Variants in BAZ2B observed in about 807,000 individuals in gnomAD.
The protein encoded by BAZ2B is bromodomain adjacent to zinc finger domain 2B.
A neutral mutation model predicts 246.0 loss-of-function variants in BAZ2B; 91 were observed. That is an observed-to-expected ratio of 0.37 (90% CI 0.31 to 0.44). BAZ2B has a LOEUF of 0.44. Among genes scored for constraint, BAZ2B ranks in the 20% least tolerant of loss-of-function variants. The pLI is 1.00. For synonymous variants in BAZ2B, 855 were observed against 860.0 expected (o/e 0.99, Z 0.10); for missense variants, 2,332 against 2,533.7 (o/e 0.92, Z 1.71).
chr2:159,432,647 G>A, intron 9 of BAZ2B, 110 bp downstream of exon 9: 1 of 1,395,844 alleles, frequency 7.2e-7, no homozygotes, highest in Non-Finnish European at 9.6e-7. Flanking sequence ...ACAAAGTTGT[G>A]TGAAACATAG....
At chr2:159,703,556 C>T in the BAZ2B span, among the ~76,000 whole-genome samples, 56 of 152,184 alleles carry the variant, frequency 3.7e-4, no homozygotes, top group East Asian at 9.8e-3. Context: ...ACAAAAAAAG[C>T]GCTGAGTTAA....
At chr2:159,654,952 T>C in the BAZ2B span, among the ~76,000 whole-genome samples, 13 of 152,292 alleles carry the variant, frequency 8.5e-5, no homozygotes, top group East Asian at 2.3e-3. Context: ...ATTCTGTAAA[T>C]AGTTTCCTCT....
intron 1 of BAZ2B, among the ~76,000 whole-genome samples, chr2:159,610,663 C>T (rs1340002720): frequency 6.6e-6 from 1 of 152,102 alleles, no homozygotes; most frequent in Non-Finnish European, 1.5e-5. Flanking sequence ...TTATTATTAT[C>T]CCCAATATGC....
chr2:159,459,091 C>G (rs951268850), intron 3 of BAZ2B: 8 of 152,170 alleles, frequency 5.3e-5, no homozygotes, highest in Non-Finnish European at 1.2e-4. Flanking sequence ...ATTTCAAGAA[C>G]CTATTGCTCA....
chr2:159,345,635 C>T (rs2067655713), intron 31 of BAZ2B, among the ~76,000 whole-genome samples: 2 of 152,128 alleles, frequency 1.3e-5, no homozygotes, highest in Non-Finnish European at 2.9e-5. Flanking sequence ...TTTTTAAAAG[C>T]CTGATGATAC....
chr2:159,587,334 C>A (rs537397035), intron 1 of BAZ2B, among the ~76,000 whole-genome samples: 5 of 152,300 alleles, frequency 3.3e-5, no homozygotes, highest in African/African-American at 1.2e-4. Flanking sequence ...CCCACCTCAG[C>A]CTCCCAAAGC....
At chr2:159,558,318 G>A (rs558538512) in intron 1 of BAZ2B, among the ~76,000 whole-genome samples, 1 of 152,086 alleles carries the variant, frequency 6.6e-6, no homozygotes, top group South Asian at 2.1e-4. Context: ...GTGCAATGGC[G>A]CGATCTCAGC....
In BAZ2B at chr2:159,414,295, G is replaced by A. The variant is rs114664031; in HGVS notation, c.2467-1750C>T. Among the ~76,000 whole-genome samples, 897 of 152,216 alleles carry A rather than the reference G, an allele frequency of 5.9e-3. 5 individuals carry two copies. The highest frequency in any genetic ancestry group is 0.02 in the African/African-American group (840 of 41,528). The stretch of plus-strand genomic sequence containing the variant: ...GGATAGTGAGAGGAGAGGGGCAAGG[G>A]AGTGAAGATGGTTAATAGTTATAAA... On this transcript the variant is annotated intron_variant, in intron 13 of 36. Coordinates refer to ENST00000392783, the MANE Select transcript of BAZ2B (RefSeq NM_013450.4).
chr2:159,652,312 T>C, the BAZ2B span, among the ~76,000 whole-genome samples: 1 of 151,768 alleles, frequency 6.6e-6, no homozygotes, highest in South Asian at 2.1e-4. Context: ...CGGATTCAAG[T>C]GATTCTCCTG....
intron 27 of BAZ2B, among the ~76,000 whole-genome samples, chr2:159,351,182 C>T (rs1392767852): frequency 2.0e-5 from 3 of 152,108 alleles, no homozygotes; most frequent in Non-Finnish European, 4.4e-5. Flanking sequence ...GTATGTGATA[C>T]ATACACACTT....
intron 23 of BAZ2B, among the ~76,000 whole-genome samples, chr2:159,384,756 T>C (rs2062424866): frequency 6.6e-6 from 1 of 152,120 alleles, no homozygotes; most frequent in Non-Finnish European, 1.5e-5. Flanking sequence ...ATTCTGTGAA[T>C]GGCTACTAAG....
At chr2:159,483,505 G>C (rs918646369) in intron 2 of BAZ2B, among the ~76,000 whole-genome samples, 2 of 152,142 alleles carry the variant, frequency 1.3e-5, no homozygotes, top group East Asian at 3.9e-4. Context: ...GGCTTGGCGC[G>C]GTGGCTCACG....
chr2:159,570,635 C>T (rs1355816908), intron 1 of BAZ2B, among the ~76,000 whole-genome samples: 3 of 133,942 alleles, frequency 2.2e-5, no homozygotes, highest in Non-Finnish European at 4.8e-5. Context: ...TATATCCCAG[C>T]ACATTTTTCA....
chr2:159,522,494 TAA>T (rs2084238006), intron 2 of BAZ2B, among the ~76,000 whole-genome samples: 1 of 152,184 alleles, frequency 6.6e-6, no homozygotes, highest in Non-Finnish European at 1.5e-5. Flanking sequence ...AACAGAAGAT[TAA>T]GTTTCCTGTT....
chr2:159,494,458 A>G (rs899083086), intron 2 of BAZ2B, among the ~76,000 whole-genome samples: 2 of 152,170 alleles, frequency 1.3e-5, no homozygotes, highest in Non-Finnish European at 2.9e-5. Flanking sequence ...ATATAAGTAC[A>G]TTTATATAAA....
chr2:159,703,864 C>CAA, the BAZ2B span, among the ~76,000 whole-genome samples: 1 of 151,516 alleles, frequency 6.6e-6, no homozygotes, highest in Non-Finnish European at 1.5e-5. Context: ...GACCCTGTCT[C>CAA]AAAAAAAAAT....
intron 1 of BAZ2B, among the ~76,000 whole-genome samples, chr2:159,558,205 A>T (rs1204375410): frequency 1.3e-5 from 2 of 152,168 alleles, no homozygotes; most frequent in African/African-American, 4.8e-5. Flanking sequence ...CAGTGTCACC[A>T]TAGGCCATTC....
At chr2:159,416,029 T>C (rs1162063990) in intron 13 of BAZ2B, among the ~76,000 whole-genome samples, 2 of 152,174 alleles carry the variant, frequency 1.3e-5, no homozygotes, top group East Asian at 3.9e-4. Flanking sequence ...CTCTAAAACC[T>C]GTGCTCCTGA....
chr2:159,462,402 C>A, intron 3 of BAZ2B: 1 of 1,283,288 alleles, frequency 7.8e-7, no homozygotes, highest in South Asian at 1.2e-5. Context: ...TTTAGGCATT[C>A]TGCATTTCTT....
Sources: allele counts gnomAD v4.1 joint callset (sites outside exome capture counted in the v4.1 genomes callset), GRCh38; gene constraint gnomAD v4.1.1; transcripts MANE v1.5; gene names NCBI Gene and HGNC (gene_info 2026-07-23, HGNC 2026-07-21).